Variants in ASAP1 observed in about 807,000 individuals in gnomAD.
The protein encoded by ASAP1 is arf-GAP with SH3 domain, ANK repeat and PH domain-containing protein 1.
In ASAP1, 43 loss-of-function variants were observed where a neutral mutation model predicts 145.2. The ratio of observed to expected loss-of-function variants is 0.30; its 90% CI spans 0.23 to 0.38. The LOEUF (loss-of-function observed/expected upper bound fraction) is 0.38, where lower values mean the gene tolerates loss of function less well. ASAP1 is among the 10% of genes least tolerant of loss of function. The probability of loss-of-function intolerance (pLI) is 1.00; values close to 1 mark genes in which losing one functional copy is unlikely to be tolerated. For synonymous variants in ASAP1, 546 were observed against 515.5 expected (o/e 1.06, Z -0.80); for missense variants, 1,018 against 1,355.3 (o/e 0.75, Z 3.91).
rs148994119 is a variant in ASAP1, at chr8:130,151,610, C to T, written c.1080+1126G>A. On this transcript the variant is annotated intron_variant, in intron 13 of 29. Coordinates refer to ENST00000518721, the MANE Select transcript of ASAP1 (RefSeq NM_018482.4). ...CGAAGAATCACTGAAAAGTGTGCTG[C>T]GAGGGGCAAGGGACAGAGACAATGC... Among the ~76,000 whole-genome samples, 32 of 152,150 alleles carry T rather than the reference C, an allele frequency of 2.1e-4. No individual in the cohort carries two copies. The East Asian group carries it at 2.1e-3, about 10-fold the overall frequency.
At chr8:130,118,340 G>A in intron 19 of ASAP1, 94 bp from the exon 20 acceptor site, 1 of 1,370,690 alleles carries the variant, frequency 7.3e-7, no homozygotes, top group Admixed American at 2.1e-5. Context: ...ATTATAAGGA[G>A]CACACCTCTT....
At chr8:130,333,447 TA>T (rs1322134558) in intron 3 of ASAP1, among the ~76,000 whole-genome samples, 4 of 151,978 alleles carry the variant, frequency 2.6e-5, no homozygotes, top group African/African-American at 9.7e-5. Context: ...ACTAAAAATA[TA>T]AAAAAATTAG....
intron 2 of ASAP1, among the ~76,000 whole-genome samples, chr8:130,370,291 C>A (rs762289822): frequency 6.6e-6 from 1 of 152,076 alleles, no homozygotes; most frequent in Non-Finnish European, 1.5e-5. Context: ...GGTGACAGAG[C>A]AAGACCCCAT....
At chr8:130,276,760 T>TCTCTCTCTCTCTCTCTCTCTCTCTCTCC (rs1333515760) in intron 3 of ASAP1, among the ~76,000 whole-genome samples, 29 of 130,358 alleles carry the variant, frequency 2.2e-4, no homozygotes, top group Admixed American at 5.4e-4. Flanking sequence ...TCTCTCTCTC[T>TCTCTCTCTCTCTCTCTCTCTCTCTCTCC]CCTCTAACAA....
chr8:130,237,312 T>C (rs922293321), intron 3 of ASAP1, among the ~76,000 whole-genome samples: 3 of 152,092 alleles, frequency 2.0e-5, no homozygotes, highest in Admixed American at 6.6e-5. Flanking sequence ...GATTCTTTCA[T>C]GCATTTACAA....
intron 3 of ASAP1, among the ~76,000 whole-genome samples, chr8:130,301,969 G>A (rs558409181): frequency 1.3e-5 from 2 of 152,334 alleles, no homozygotes; most frequent in South Asian, 2.1e-4. Flanking sequence ...GATGGCAGGG[G>A]TGTCCCCAAA....
chr8:130,332,954 T>C (rs1001512069), intron 3 of ASAP1, among the ~76,000 whole-genome samples: 11 of 151,992 alleles, frequency 7.2e-5, no homozygotes, highest in Non-Finnish European at 1.6e-4. Context: ...ACTGACAACT[T>C]ATCTAAGGAA....
At chr8:130,397,540 G>A (rs552788386) in intron 2 of ASAP1, among the ~76,000 whole-genome samples, 5 of 152,194 alleles carry the variant, frequency 3.3e-5, no homozygotes, top group Admixed American at 3.3e-4. Context: ...TCACAAGGGC[G>A]AGCACTTGCC....
intron 2 of ASAP1, among the ~76,000 whole-genome samples, chr8:130,398,635 A>C (rs1377058995): frequency 6.6e-6 from 1 of 152,256 alleles, no homozygotes; most frequent in African/African-American, 2.4e-5. Flanking sequence ...AGTAGTAGTC[A>C]TAATAGCTAG....
At chr8:130,409,382 T>C (rs1011843894) in intron 1 of ASAP1, among the ~76,000 whole-genome samples, 21 of 152,316 alleles carry the variant, frequency 1.4e-4, no homozygotes, top group Admixed American at 1.4e-3. Context: ...CCATATCTGC[T>C]GGCAAGCAAC....
At chr8:130,302,712 CA>C (rs928906148) in intron 3 of ASAP1, among the ~76,000 whole-genome samples, 70 of 152,326 alleles carry the variant, frequency 4.6e-4, no homozygotes, top group African/African-American at 1.5e-3. Flanking sequence ...CTTCATTAAA[CA>C]AACGGTTCTC....
intron 13 of ASAP1, among the ~76,000 whole-genome samples, chr8:130,137,846 C>T (rs1239421217): frequency 4.6e-5 from 7 of 152,186 alleles, no homozygotes; most frequent in Non-Finnish European, 8.8e-5. Flanking sequence ...CTCCTGCCTG[C>T]CCATGTTCAA....
At chr8:130,080,972 A>G (rs1255948899) in intron 25 of ASAP1, among the ~76,000 whole-genome samples, 1 of 152,218 alleles carries the variant, frequency 6.6e-6, no homozygotes, top group Non-Finnish European at 1.5e-5. Context: ...TGTGCAAGGC[A>G]TAAATGTGAA....
intron 3 of ASAP1, among the ~76,000 whole-genome samples, chr8:130,327,751 G>C (rs1028691147): frequency 1.3e-5 from 2 of 152,110 alleles, no homozygotes; most frequent in African/African-American, 4.8e-5. Flanking sequence ...AAAGGATTTG[G>C]AGGAAAATGA....
intron 11 of ASAP1, among the ~76,000 whole-genome samples, chr8:130,164,745 A>G (rs1220127595): frequency 6.6e-6 from 1 of 152,222 alleles, no homozygotes; most frequent in Non-Finnish European, 1.5e-5. Context: ...GAGTTTACTG[A>G]AATTCCAGGG....
At chr8:130,060,442 C>T in intron 28 of ASAP1, 137 bp downstream of exon 28, 1 of 1,219,648 alleles carries the variant, frequency 8.2e-7, no homozygotes, top group Admixed American at 2.5e-5. Context: ...AATCCACCAT[C>T]ATGCTTGAAC....
chr8:130,328,594 G>C (rs1312451925), intron 3 of ASAP1, among the ~76,000 whole-genome samples: 1 of 150,362 alleles, frequency 6.7e-6, no homozygotes, highest in Non-Finnish European at 1.5e-5. Flanking sequence ...CAATTAATTA[G>C]TTATGGCTCA....
intron 2 of ASAP1, among the ~76,000 whole-genome samples, chr8:130,374,084 C>A (rs936929508): frequency 1.8e-4 from 24 of 132,168 alleles, no homozygotes; most frequent in African/African-American, 6.2e-4. Flanking sequence ...AAGCACAGAA[C>A]TTAGAAGTCA....
chr8:130,334,572 T>C (rs1014894670), intron 3 of ASAP1, among the ~76,000 whole-genome samples: 4 of 152,268 alleles, frequency 2.6e-5, no homozygotes, highest in South Asian at 2.1e-4. Context: ...ACCATTCTGA[T>C]AGCTTAAAGC....
Sources: gnomAD v4.1 joint callset for allele counts (sites outside exome capture counted in the v4.1 genomes callset) on GRCh38, gnomAD v4.1.1 for gene constraint, MANE v1.5 for transcripts, NCBI Gene and HGNC (gene_info 2026-07-23, HGNC 2026-07-21) for gene names.